The following CDH23 variants were observed in gnomAD, a reference collection of about 807,000 sequenced individuals.
The protein encoded by CDH23 is cadherin related 23, also known as cadherin-23.
In CDH23, 189 loss-of-function variants were observed where a neutral mutation model predicts 317.1. That is an observed-to-expected ratio of 0.60 (90% confidence interval 0.53 to 0.67). The LOEUF is 0.67. Ranked by LOEUF, CDH23 falls within the 30% of genes least tolerant of loss-of-function variation. The probability of loss-of-function intolerance (pLI) is 0.00; values close to 1 mark genes in which losing one functional copy is unlikely to be tolerated. For synonymous variants in CDH23, 1,839 were observed against 1,876.8 expected (o/e 0.98, Z 0.52); for missense variants, 4,401 against 4,592.4 (o/e 0.96, Z 1.20).
At chr10:71,620,424 A>G (rs1024816696) in intron 11 of CDH23, among the ~76,000 whole-genome samples, 11 of 152,112 alleles carry the variant, frequency 7.2e-5, no homozygotes, top group African/African-American at 2.7e-4. Context: ...GGAACCCCCC[A>G]GGACTGCTCA....
intron 14 of CDH23, among the ~76,000 whole-genome samples, chr10:71,662,137 G>A (rs991414010): frequency 6.6e-6 from 1 of 151,868 alleles, no homozygotes; most frequent in African/African-American, 2.4e-5. Context: ...ATTCATCAGG[G>A]ACCTGCGGGC....
At chr10:71,684,875 C>T (rs1247996280) in intron 18 of CDH23, among the ~76,000 whole-genome samples, 1 of 152,090 alleles carries the variant, frequency 6.6e-6, no homozygotes, top group Non-Finnish European at 1.5e-5. Flanking sequence ...GCCTAAGTAG[C>T]GAAATGGAAA....
chr10:71,769,410 C>G (rs947938705), intron 38 of CDH23, among the ~76,000 whole-genome samples: 12 of 152,262 alleles, frequency 7.9e-5, no homozygotes, highest in Admixed American at 5.9e-4. Context: ...GTGATACTGG[C>G]TTTCCACTAA....
intron 38 of CDH23, among the ~76,000 whole-genome samples, chr10:71,746,774 A>G (rs1470298223): frequency 6.6e-6 from 1 of 152,158 alleles, no homozygotes; most frequent in Non-Finnish European, 1.5e-5. Flanking sequence ...TCCAGATAAG[A>G]AGCCCTGGCT....
intron 9 of CDH23, among the ~76,000 whole-genome samples, chr10:71,582,992 T>C (rs934408617): frequency 2.0e-5 from 3 of 152,124 alleles, no homozygotes; most frequent in Non-Finnish European, 4.4e-5. Context: ...TCTGTGTGTG[T>C]TCAAAAATAT....
At chr10:71,449,943 C>T (rs1850352264) in intron 3 of CDH23, among the ~76,000 whole-genome samples, 1 of 152,222 alleles carries the variant, frequency 6.6e-6, no homozygotes, top group Admixed American at 6.5e-5. Context: ...GACCGTCTAC[C>T]AGCCGGAGAA....
In CDH23 at chr10:71,538,593, G is replaced by A. The variant is rs143774583; in HGVS notation, c.429+27381G>A. ...CCGATTAATCTGATTTTAGCAAAAC[G>A]GTACAAGGCAAGTGCATCAAGACTG... On this transcript the variant is annotated intron_variant, in intron 6 of 69. Transcript: ENST00000224721. 2.1e-3 allele frequency among the ~76,000 whole-genome samples: 314 copies of A among 152,054 alleles called. 2 individuals are homozygous for A. Among genetic ancestry groups the A allele is most frequent in the African/African-American group, 7.3e-3 (302 of 41,450 alleles).
Position 71,777,707 on chromosome 10 carries a change from G to T in CDH23, c.4873G>T (p.Val1625Leu). 1 of 1,613,058 alleles carries T rather than the reference G, an allele frequency of 6.2e-7. No individual in the cohort carries two copies. The highest frequency in any genetic ancestry group is 8.5e-7 in the Non-Finnish European group (1 of 1,179,520). Residue 1625 changes from valine (V) to leucine (L), a missense_variant, in exon 39 of 70, where the codon GTG becomes TTG. By Grantham distance (32) the Val-to-Leu change is conservative. This residue lies in a region of CDH23 where 3,068 missense variants were observed against 3,203.3 expected (regional missense o/e 0.96). Coordinates refer to ENST00000224721, the MANE Select transcript of CDH23 (RefSeq NM_022124.6). ...CACCACGCACGTGTACGTGACCATT[G>T]TGGATGAGAATGATAACGCGCCCAT... ...SATTHVYVTI[V>L]DENDNAPMFQ...
At chr10:71,741,052 C>T in intron 37 of CDH23, 102 bp downstream of exon 37, 1 of 1,352,712 alleles carries the variant, frequency 7.4e-7, no homozygotes, top group Non-Finnish European at 1.1e-6. Context: ...GCCCACTGGT[C>T]CCTCAGATCT....
In CDH23 at chr10:71,690,511, C is replaced by T; in HGVS notation, c.2103C>T (p.Ser701=). ...LFLNATDLDR[S]REYGQESIIY... ...TGAATGCCACAGACCTGGACCGCTC[C>T]CGGGAGTACGGCCAGGAGTCCATCA... The change falls in exon 20 of 70, where the codon TCC becomes TCT. Residue 701 remains serine (S), a synonymous_variant. Transcript: ENST00000224721. 1.2e-6 allele frequency: 2 copies of T among 1,611,594 alleles called. No homozygotes were observed. The highest frequency in any genetic ancestry group is 1.7e-6 in the Non-Finnish European group (2 of 1,179,014).
At chr10:71,630,611 C>T (rs1242097141) in intron 11 of CDH23, among the ~76,000 whole-genome samples, 3 of 152,186 alleles carry the variant, frequency 2.0e-5, no homozygotes, top group Non-Finnish European at 2.9e-5. Flanking sequence ...TCAGTGAGGG[C>T]ATGATGGAAT....
At chr10:71,538,295 G>A (rs1377815036) in intron 6 of CDH23, among the ~76,000 whole-genome samples, 1 of 152,194 alleles carries the variant, frequency 6.6e-6, no homozygotes, top group Non-Finnish European at 1.5e-5. Flanking sequence ...GTCCCCCAGT[G>A]AGGGAAAATA....
At chr10:71,813,192 C>A in intron 68 of CDH23, 52 bp from the exon 69 acceptor site, 1 of 1,488,692 alleles carries the variant, frequency 6.7e-7, no homozygotes, top group Non-Finnish European at 9.2e-7. Context: ...GGGCGAGGGG[C>A]GGGGCAGGCA....
At chr10:71,759,923 AC>A in intron 38 of CDH23, among the ~76,000 whole-genome samples, 1 of 70,328 alleles carries the variant, frequency 1.4e-5, no homozygotes, top group Non-Finnish European at 3.0e-5. Flanking sequence ...ACATATATAC[AC>A]ACACACATAT....
chr10:71,585,620 C>T (rs996179347), intron 9 of CDH23, among the ~76,000 whole-genome samples: 1 of 152,154 alleles, frequency 6.6e-6, no homozygotes, highest in Non-Finnish European at 1.5e-5. Flanking sequence ...ACCATCATGC[C>T]GAGACAGCAA....
intron 1 of CDH23, among the ~76,000 whole-genome samples, chr10:71,405,689 T>C (rs992961397): frequency 6.6e-6 from 1 of 152,130 alleles, no homozygotes; most frequent in Non-Finnish European, 1.5e-5. Context: ...CCACCTGCCT[T>C]GGCCTCCCAA....
At chr10:71,489,934 T>C (rs1291786472) in intron 3 of CDH23, among the ~76,000 whole-genome samples, 2 of 152,092 alleles carry the variant, frequency 1.3e-5, no homozygotes, top group African/African-American at 2.4e-5. Context: ...TTTTCTTTCT[T>C]TTTTTTAAAG....
At chr10:71,643,563 C>CT (rs1455156969) in intron 11 of CDH23, among the ~76,000 whole-genome samples, 1 of 151,688 alleles carries the variant, frequency 6.6e-6, no homozygotes, top group Non-Finnish European at 1.5e-5. Context: ...GCCCTTGCCC[C>CT]CCCCTCACCT....
chr10:71,680,679 C>T (rs1243131048), intron 17 of CDH23, among the ~76,000 whole-genome samples: 1 of 124,600 alleles, frequency 8.0e-6, no homozygotes, highest in East Asian at 2.9e-4. Context: ...ACCTGGGAGG[C>T]GGAGGTTGCA....
Sources: allele counts gnomAD v4.1 joint callset (sites outside exome capture counted in the v4.1 genomes callset), GRCh38; gene constraint gnomAD v4.1.1; regional missense constraint gnomAD v4.1.1; transcripts MANE v1.5; gene names NCBI Gene and HGNC (gene_info 2026-07-23, HGNC 2026-07-21).